Variants in XRCC4 observed in about 807,000 individuals in gnomAD.
XRCC4 encodes the protein X-ray repair cross complementing 4.
XRCC4 carries 28 observed loss-of-function variants against 39.1 expected under a neutral mutation model. That is an observed-to-expected ratio of 0.72 (90% CI 0.53 to 0.98). The LOEUF (loss-of-function observed/expected upper bound fraction) is 0.98. Among genes scored for constraint, XRCC4 ranks in the 50% least tolerant of loss-of-function variants. The pLI is 0.00. For synonymous variants in XRCC4, 123 were observed against 126.4 expected (o/e 0.97, Z 0.18); for missense variants, 350 against 376.4 (o/e 0.93, Z 0.58).
intron 7 of XRCC4, among the ~76,000 whole-genome samples, chr5:83,275,182 A>G (rs1445892770): frequency 2.0e-5 from 3 of 152,176 alleles, no homozygotes; most frequent in South Asian, 2.1e-4. Flanking sequence ...GAGGATTCCT[A>G]TATTTTAGCT....
intron 7 of XRCC4, among the ~76,000 whole-genome samples, chr5:83,270,030 C>A (rs1220304064): frequency 7.0e-6 from 1 of 142,118 alleles, no homozygotes; most frequent in Non-Finnish European, 1.5e-5. Flanking sequence ...ACAAATGGTC[C>A]CATTTGGGGG....
At chr5:83,240,306 A>C (rs1377931780) in intron 6 of XRCC4, among the ~76,000 whole-genome samples, 1 of 152,188 alleles carries the variant, frequency 6.6e-6, no homozygotes, top group African/African-American at 2.4e-5. Flanking sequence ...CAGAGTATTA[A>C]ATTGACATTT....
At chr5:83,348,652 C>T (rs1219640215) in intron 7 of XRCC4, among the ~76,000 whole-genome samples, 1 of 152,228 alleles carries the variant, frequency 6.6e-6, no homozygotes, top group East Asian at 1.9e-4. Flanking sequence ...TCTGAAATGC[C>T]TTGGAGGCAC....
intron 3 of XRCC4, among the ~76,000 whole-genome samples, chr5:83,127,681 T>G (rs1218981066): frequency 2.0e-5 from 3 of 152,164 alleles, no homozygotes; most frequent in Non-Finnish European, 2.9e-5. Context: ...TGATCAGGTC[T>G]GGAGCAATTT....
chr5:83,223,735 G>A (rs541251342), intron 6 of XRCC4, among the ~76,000 whole-genome samples: 11 of 151,982 alleles, frequency 7.2e-5, no homozygotes, highest in African/African-American at 2.7e-4. Flanking sequence ...ACAACGTACA[G>A]GTTTGTTACA....
intron 3 of XRCC4, among the ~76,000 whole-genome samples, chr5:83,179,417 G>A (rs1750109910): frequency 1.3e-5 from 2 of 152,128 alleles, no homozygotes; most frequent in African/African-American, 2.4e-5. Context: ...AGCTAGGGGC[G>A]GGGTTTGCCA....
Position 83,163,803 on chromosome 5 carries a change from G to A in XRCC4, c.316-31967G>A, listed in dbSNP as rs76064830. On this transcript the variant is annotated intron_variant, in intron 3 of 7. Coordinates refer to ENST00000396027, the MANE Select transcript of XRCC4 (RefSeq NM_003401.5). ...AGTGTTTAACACATTGTGTCTTTGT[G>A]GAGAAATGGTCATCAAGTAAGACAA... is the stretch of plus-strand genomic sequence containing the variant. Among the ~76,000 whole-genome samples the A allele has an allele frequency of 5.5e-3, 833 of 152,260 alleles. 7 individuals are homozygous for A. Among genetic ancestry groups the A allele is most frequent in the African/African-American group, 0.019 (802 of 41,564 alleles).
intron 6 of XRCC4, among the ~76,000 whole-genome samples, chr5:83,207,194 TAGTC>T (rs1751453838): frequency 6.6e-6 from 1 of 152,190 alleles, no homozygotes; most frequent in African/African-American, 2.4e-5. Context: ...TCTTGTTTCT[TAGTC>T]AGAGTATCTT....
intron 1 of XRCC4, among the ~76,000 whole-genome samples, chr5:83,081,891 A>G (rs1439222155): frequency 6.6e-6 from 1 of 152,160 alleles, no homozygotes; most frequent in African/African-American, 2.4e-5. Flanking sequence ...CAGATGTCCC[A>G]GACCGAACTC....
At chr5:83,262,343 A>G (rs1368768640) in intron 7 of XRCC4, among the ~76,000 whole-genome samples, 2 of 152,142 alleles carry the variant, frequency 1.3e-5, no homozygotes, top group Non-Finnish European at 2.9e-5. Context: ...AAGGGAGTAC[A>G]TCGGTCATAA....
chr5:83,208,668 G>A (rs13156510), intron 6 of XRCC4, among the ~76,000 whole-genome samples: 87,407 of 151,768 alleles, frequency 0.58, 25,495 homozygotes, highest in Middle Eastern at 0.7. Flanking sequence ...ACTGTATGAT[G>A]TAGCATGAAA....
chr5:83,361,993 T>G, the XRCC4 span, among the ~76,000 whole-genome samples: 9 of 152,112 alleles, frequency 5.9e-5, no homozygotes, highest in Non-Finnish European at 1.2e-4. Flanking sequence ...TGTTACCTTC[T>G]CATGCAAAGC....
chr5:83,165,008 A>G (rs1188008468), intron 3 of XRCC4, among the ~76,000 whole-genome samples: 2 of 151,964 alleles, frequency 1.3e-5, no homozygotes, highest in Non-Finnish European at 2.9e-5. Flanking sequence ...GCTTCTAATA[A>G]TGTTAAATGT....
intron 6 of XRCC4, among the ~76,000 whole-genome samples, chr5:83,205,236 T>C (rs143391005): frequency 1.3e-5 from 2 of 152,270 alleles, no homozygotes; most frequent in Non-Finnish European, 2.9e-5. Context: ...TATCATCAGC[T>C]TAAAGCTGGT....
rs28360136 is a variant in XRCC4 at position 83,195,878 on chromosome 5, G to C, written c.424G>C (p.Glu142Gln). ...CATTGCAGAAAATCAAGCCAAAAAT[G>C]AGCACCTGCAGAAAGAAAATGAAAG... The part of the protein sequence containing the change: ...DTIAENQAKN[E>Q]HLQKENERLL... Residue 142 changes from glutamate to glutamine, a missense_variant, in exon 4 of 8, where the codon GAG (glutamate) becomes CAG (glutamine). Physicochemically the swap from Glu to Gln is conservative, Grantham distance 29. Transcript: ENST00000396027. 3.4e-4 allele frequency: 541 copies of C among 1,611,820 alleles called. 4 individuals are homozygous for C. The African/African-American group carries it at 6.8e-3, about 20-fold the overall frequency.
chr5:83,193,653 T>C (rs1750809549), intron 3 of XRCC4, among the ~76,000 whole-genome samples: 1 of 152,176 alleles, frequency 6.6e-6, no homozygotes, highest in Non-Finnish European at 1.5e-5. Context: ...TACTGATTAT[T>C]TTATTTCAGG....
Position 83,112,845 on chromosome 5 carries a change from C to T in XRCC4, c.315+1642C>T, listed in dbSNP as rs114488237. Among the ~76,000 whole-genome samples, 872 of 152,234 alleles carry T rather than the reference C, an allele frequency of 5.7e-3. 13 individuals are homozygous for T. The East Asian group carries it at 0.074, about 13-fold the overall frequency. On this transcript the variant is annotated intron_variant, in intron 3 of 7. Transcript: ENST00000396027. The stretch of plus-strand genomic sequence containing the variant: ...CCTCATTCAGGATTCAGTTACCTCC[C>T]GCTGGGTCCCTCTCATAACACTTGG...
At chr5:83,142,609 A>G (rs921072958) in intron 3 of XRCC4, among the ~76,000 whole-genome samples, 6 of 152,212 alleles carry the variant, frequency 3.9e-5, no homozygotes, top group Admixed American at 3.9e-4. Flanking sequence ...GAGAAATTGA[A>G]CATCCACATG....
At chr5:83,309,557 C>T (rs1183116550) in intron 7 of XRCC4, among the ~76,000 whole-genome samples, 8 of 150,494 alleles carry the variant, frequency 5.3e-5, no homozygotes, top group Non-Finnish European at 8.9e-5. Context: ...GTCAGGAGAT[C>T]GAGACCATCC....
Sources: gnomAD v4.1 joint callset for allele counts (sites outside exome capture counted in the v4.1 genomes callset) on GRCh38, gnomAD v4.1.1 for gene constraint, MANE v1.5 for transcripts, NCBI Gene and HGNC (gene_info 2026-07-23, HGNC 2026-07-21) for gene names.